ITCH: variants seen among roughly 807,000 people sequenced by gnomAD.
ITCH encodes the protein itchy E3 ubiquitin protein ligase, also known as E3 ubiquitin-protein ligase Itchy homolog.
ITCH carries 28 observed loss-of-function variants against 126.8 expected under a neutral mutation model. The ratio of observed to expected loss-of-function variants is 0.22; its 90% CI spans 0.16 to 0.30. The LOEUF is 0.30. Ranked by LOEUF, ITCH falls within the 10% of genes least tolerant of loss-of-function variation. ITCH has a pLI of 1.00. For missense variants in ITCH, 631 were observed against 1,032.4 expected, an observed-to-expected ratio of 0.61 and a Z score of 5.33; for synonymous variants, 342 against 340.0, an observed-to-expected ratio of 1.01 and a Z score of -0.06.
chr20:34,455,123 G>A (rs986503272), intron 12 of ITCH, among the ~76,000 whole-genome samples: 4 of 152,044 alleles, frequency 2.6e-5, no homozygotes, highest in Admixed American at 2.6e-4. Context: ...GAGCCACAGC[G>A]CAGGACCAAT....
intron 7 of ITCH, among the ~76,000 whole-genome samples, 193 bp downstream of exon 7, chr20:34,424,718 A>G (rs1981259676): frequency 6.6e-6 from 1 of 152,234 alleles, no homozygotes; most frequent in Admixed American, 6.5e-5. Flanking sequence ...GGAGTGGGCT[A>G]GGGATAACCA....
At chr20:34,381,282 T>TTTTG (rs967561332) in intron 2 of ITCH, among the ~76,000 whole-genome samples, 3 of 151,690 alleles carry the variant, frequency 2.0e-5, no homozygotes, top group Admixed American at 1.3e-4. Flanking sequence ...TGCCTGTTTT[T>TTTTG]TTTGTTTGTT....
At chr20:34,384,279 C>CTTTTTT (rs35124886) in intron 2 of ITCH, 6 of 103,808 alleles carry the variant, frequency 5.8e-5, no homozygotes, top group Non-Finnish European at 5.4e-5. Context: ...GCCTGTAATT[C>CTTTTTT]TTTTTTTTTT....
At chr20:34,468,360 A>G (rs912755877) in intron 14 of ITCH, among the ~76,000 whole-genome samples, 1 of 152,096 alleles carries the variant, frequency 6.6e-6, no homozygotes, top group Non-Finnish European at 1.5e-5. Flanking sequence ...GAAAAAAAAA[A>G]TGTAACAAAA....
intron 3 of ITCH, among the ~76,000 whole-genome samples, chr20:34,407,561 G>A (rs539594153): frequency 6.6e-5 from 10 of 152,276 alleles, no homozygotes; most frequent in South Asian, 6.2e-4. Context: ...GAGCCGCTGC[G>A]CCCAGCTGCA....
chr20:34,411,009 G>A (rs1003433331), intron 4 of ITCH, among the ~76,000 whole-genome samples: 4 of 152,150 alleles, frequency 2.6e-5, no homozygotes, highest in Non-Finnish European at 5.9e-5. Context: ...CCATTGTCGT[G>A]TAGCAGGCTT....
chr20:34,466,032 T>C lies in ITCH; in HGVS notation c.1424+3811T>C, dbSNP rs527666809. Among the ~76,000 whole-genome samples, 202 of 152,302 alleles carry C rather than the reference T, an allele frequency of 1.3e-3. 2 individuals carry two copies. The highest frequency in any genetic ancestry group is 0.01 in the Middle Eastern group (3 of 294). On this transcript the variant is annotated intron_variant, in intron 14 of 24. Transcript: ENST00000374864. ...TCTAACCATTGAATGTGATGTTTGC[T>C]GTTAGATTTTTATATGTGCCTTTTA...
At chr20:34,452,868 T>C (rs1300153953) in intron 12 of ITCH, among the ~76,000 whole-genome samples, 3 of 152,160 alleles carry the variant, frequency 2.0e-5, no homozygotes, top group Non-Finnish European at 4.4e-5. Flanking sequence ...CACATGAACA[T>C]ACTATAGAGG....
At chr20:34,502,147 T>G (rs982296674) in intron 23 of ITCH, among the ~76,000 whole-genome samples, 1 of 152,206 alleles carries the variant, frequency 6.6e-6, no homozygotes, top group African/African-American at 2.4e-5. Flanking sequence ...TGATTTTAAA[T>G]CTATTAAAAG....
chr20:34,363,724 C>T (rs1477386457), intron 1 of ITCH, among the ~76,000 whole-genome samples: 1 of 152,042 alleles, frequency 6.6e-6, no homozygotes, highest in Non-Finnish European at 1.5e-5. Flanking sequence ...CGCGCGGGGC[C>T]CGGCGGCGGG....
At chr20:34,404,884 A>C (rs1362280735) in intron 3 of ITCH, among the ~76,000 whole-genome samples, 1 of 152,056 alleles carries the variant, frequency 6.6e-6, no homozygotes, top group Non-Finnish European at 1.5e-5. Context: ...CTGTAATTCC[A>C]CCACTTTGGT....
chr20:34,449,575 G>A, intron 12 of ITCH, 95 bp downstream of exon 12: 2 of 862,880 alleles, frequency 2.3e-6, no homozygotes, highest in Non-Finnish European at 3.9e-6. Context: ...GTCTGATACT[G>A]TGCTCTTGCT....
intron 20 of ITCH, among the ~76,000 whole-genome samples, chr20:34,486,016 T>G (rs576701531): frequency 6.6e-6 from 1 of 152,084 alleles, no homozygotes; most frequent in Non-Finnish European, 1.5e-5. Context: ...CCACAATTTT[T>G]TGTTGTTTTT....
intron 6 of ITCH, among the ~76,000 whole-genome samples, chr20:34,421,951 G>A (rs778837249): frequency 1.3e-5 from 2 of 152,162 alleles, no homozygotes; most frequent in Non-Finnish European, 2.9e-5. Context: ...GAGAAGTTGA[G>A]GCTGCAGTGA....
chr20:34,393,297 C>T (rs1292113120), intron 2 of ITCH, among the ~76,000 whole-genome samples: 2 of 152,070 alleles, frequency 1.3e-5, no homozygotes, highest in East Asian at 3.9e-4. Context: ...TCACTTGAGC[C>T]CAGGAGTTTG....
chr20:34,454,313 A>G (rs1226734029), intron 12 of ITCH: 2 of 151,172 alleles, frequency 1.3e-5, no homozygotes, highest in African/African-American at 4.9e-5. Context: ...AATTTTTTGT[A>G]TTTTTAGTAG....
intron 14 of ITCH, among the ~76,000 whole-genome samples, chr20:34,464,075 C>T (rs1231281121): frequency 6.6e-5 from 10 of 151,622 alleles, no homozygotes; most frequent in Non-Finnish European, 1.2e-4. Flanking sequence ...CCCGGGTTCA[C>T]GCCATTCTCC....
intron 1 of ITCH, among the ~76,000 whole-genome samples, chr20:34,366,982 T>G (rs543600145): frequency 6.6e-6 from 1 of 152,254 alleles, no homozygotes; most frequent in South Asian, 2.1e-4. Context: ...GTTGCCATAT[T>G]TCTAGATGAG....
chr20:34,494,750 G>A (rs375544513), intron 23 of ITCH, among the ~76,000 whole-genome samples: 1 of 152,044 alleles, frequency 6.6e-6, no homozygotes, highest in Non-Finnish European at 1.5e-5. Flanking sequence ...CACGAGCCCA[G>A]GGGTTTGAGA....
Sources: allele counts gnomAD v4.1 joint callset (sites outside exome capture counted in the v4.1 genomes callset), GRCh38; gene constraint gnomAD v4.1.1; transcripts MANE v1.5; gene names NCBI Gene and HGNC (gene_info 2026-07-23, HGNC 2026-07-21).